The following EXPH5 variants were observed in gnomAD, a reference collection of about 807,000 sequenced individuals.
EXPH5 encodes exophilin 5.
A neutral mutation model predicts 41.1 loss-of-function variants in EXPH5; 42 were observed. That is an observed-to-expected ratio of 1.02 (90% CI 0.80 to 1.32). EXPH5 has a LOEUF of 1.32. EXPH5 is among the 40% of genes most tolerant of loss of function. The pLI, the probability that EXPH5 is intolerant of heterozygous loss-of-function variation, is 0.00. For missense variants in EXPH5, 2,298 were observed against 2,314.5 expected (o/e 0.99, Z 0.15); for synonymous variants, 798 against 833.5 (o/e 0.96, Z 0.73).
Position 108,512,958 on chromosome 11 carries a change from C to G in EXPH5, c.2549G>C (p.Ser850Thr). The change falls in exon 6 of 6, where the codon AGC becomes ACC. Residue 850 changes from serine (S) to threonine (T), a missense_variant. Ser to Thr is a moderately conservative substitution (Grantham distance 58, BLOSUM62 1). Coordinates refer to ENST00000265843, the MANE Select transcript of EXPH5 (RefSeq NM_015065.3). ...ISRIITNNHW[S>T]SALTDTQNAQ... ...ATTTTGAGTATCAGTCAGTGCAGAG[C>G]TCCAGTGGTTATTTGTAATAATTCT... is the stretch of plus-strand genomic sequence containing the variant. The G allele has an allele frequency of 6.2e-7, 1 of 1,612,458 alleles. No homozygotes were observed. Among genetic ancestry groups the G allele is most frequent in the Non-Finnish European group, 8.5e-7 (1 of 1,179,374 alleles).
Position 108,505,583 on chromosome 11 carries a change from G to A in EXPH5, c.*3954C>T, listed in dbSNP as rs1382640374. On this transcript the variant is annotated 3_prime_UTR_variant, in exon 6 of 6. Coordinates refer to ENST00000265843, the MANE Select transcript of EXPH5 (RefSeq NM_015065.3). ...TAACAAAAGTGCTTACAGCTTATTT[G>A]TTTCAGATATACAGAACTGCCAGTC... 2 of 152,130 alleles carry A rather than the reference G, an allele frequency of 1.3e-5. No homozygotes were observed. The highest frequency in any genetic ancestry group is 4.8e-5 in the African/African-American group (2 of 41,422). The allele number at this position is 152,130 out of a possible 1,614,324, so 9.4% of individuals were successfully genotyped here. A position where few individuals can be genotyped will look rare whatever the true frequency, so the allele number is the denominator to read the frequency against.
Position 108,517,494 on chromosome 11 carries a change from G to C in EXPH5, c.631+741C>G, listed in dbSNP as rs570288994. On this transcript the variant is annotated intron_variant, in intron 5 of 5. Coordinates refer to ENST00000265843, the MANE Select transcript of EXPH5 (RefSeq NM_015065.3). ...AATGAAGTTCCTCAAAGTGAAGCTG[G>C]TGGCGACTTCAGAGTTAACTTTTCA... Among the ~76,000 whole-genome samples, 215 of 152,342 alleles carry C rather than the reference G, an allele frequency of 1.4e-3. 1 individual carries two copies. The highest frequency in any genetic ancestry group is 5.1e-3 in the African/African-American group (210 of 41,580).
At chr11:108,522,488 A>G (rs1204766792) in intron 4 of EXPH5, among the ~76,000 whole-genome samples, 1 of 152,184 alleles carries the variant, frequency 6.6e-6, no homozygotes, top group Non-Finnish European at 1.5e-5. Context: ...GTTTGGTCAC[A>G]CTGGTGGAGG....
At chr11:108,582,810 G>C (rs529903357) in intron 1 of EXPH5, among the ~76,000 whole-genome samples, 36 of 152,270 alleles carry the variant, frequency 2.4e-4, no homozygotes, top group Admixed American at 3.9e-4. Flanking sequence ...TTGCCTTGTG[G>C]CAGCGTTACT....
chr11:108,552,188 T>C (rs1385442869), intron 1 of EXPH5: 1 of 151,810 alleles, frequency 6.6e-6, no homozygotes, highest in Non-Finnish European at 1.5e-5. Flanking sequence ...GTTCAGTGGC[T>C]GCACCAGTAG....
rs765785833 is a variant in EXPH5, at chr11:108,511,823, T to G, written c.3684A>C (p.Lys1228Asn). ...SGKERGKTLH[K>N]VKTTSTFSVS... Reference sequence around the variant, plus strand: ...CAGAAAACGTACTAGTCGTCTTAACTTTATGTAATGTTTTCCCACGTTCTT... The same window carrying G: ...CAGAAAACGTACTAGTCGTCTTAACGTTATGTAATGTTTTCCCACGTTCTT... The change falls in exon 6 of 6, where the codon AAA becomes AAC. Residue 1228 changes from lysine (K) to asparagine (N), a missense_variant. Physicochemically the swap from Lys to Asn is moderately conservative, Grantham distance 94. Transcript: ENST00000265843. The G allele has an allele frequency of 3.8e-6, 6 of 1,598,644 alleles. No individual in the cohort carries two copies. In the East Asian group the frequency reaches 1.3e-4, roughly 36 times the overall value.
In EXPH5 at chr11:108,539,014, T is replaced by A; in HGVS notation, c.443+10A>T. 1 of 1,569,422 alleles carries A rather than the reference T, an allele frequency of 6.4e-7. No individual in the cohort carries two copies. The highest frequency in any genetic ancestry group is 1.4e-5 in the African/African-American group (1 of 73,292). On this transcript the variant is annotated intron_variant, in intron 3 of 5. Transcript: ENST00000265843. ...CAAATGGGCCGTAACATGACCTGAG[T>A]TTAACTCACCCTTTCTGTCCCAGTG...
At chr11:108,557,693 C>T (rs547611885) in intron 1 of EXPH5, among the ~76,000 whole-genome samples, 6 of 152,194 alleles carry the variant, frequency 3.9e-5, no homozygotes, top group African/African-American at 1.4e-4. Flanking sequence ...TGAAATTATC[C>T]TCTTCACTTA....
At chr11:108,584,629 A>AT (rs1490706612) in intron 1 of EXPH5, among the ~76,000 whole-genome samples, 2 of 152,174 alleles carry the variant, frequency 1.3e-5, no homozygotes, top group African/African-American at 2.4e-5. Flanking sequence ...AATATAGCAA[A>AT]TTTTTTACAA....
At chr11:108,584,620 A>G (rs1337843255) in intron 1 of EXPH5, among the ~76,000 whole-genome samples, 3 of 152,236 alleles carry the variant, frequency 2.0e-5, no homozygotes, top group Non-Finnish European at 4.4e-5. Context: ...GACTCCAAAA[A>G]TATAGCAAAT....
At chr11:108,566,280 T>C (rs956216541) in intron 1 of EXPH5, among the ~76,000 whole-genome samples, 3 of 152,150 alleles carry the variant, frequency 2.0e-5, no homozygotes, top group Non-Finnish European at 4.4e-5. Flanking sequence ...GAATCCATTA[T>C]TGTTCATCAT....
intron 1 of EXPH5, among the ~76,000 whole-genome samples, chr11:108,558,119 T>G (rs1036584696): frequency 1.3e-5 from 2 of 152,054 alleles, no homozygotes; most frequent in Admixed American, 6.6e-5. Context: ...ATTTTTGTAT[T>G]TTTAATAGAG....
chr11:108,573,005 C>G (rs2094065874), intron 1 of EXPH5, among the ~76,000 whole-genome samples: 1 of 150,244 alleles, frequency 6.7e-6, no homozygotes, highest in Admixed American at 6.7e-5. Context: ...TGCTTGAGCC[C>G]AGGAGTTTGA....
chr11:108,549,713 A>G (rs577699970), intron 1 of EXPH5, among the ~76,000 whole-genome samples: 39 of 152,344 alleles, frequency 2.6e-4, no homozygotes, highest in African/African-American at 9.4e-4. Flanking sequence ...GGTAGGAGAC[A>G]GAGCCCAGGA....
rs146274272 is a variant in EXPH5, at chr11:108,510,854, C to T, written c.4653G>A (p.Glu1551=). The change falls in exon 6 of 6, where the codon GAG becomes GAA. Residue 1551 remains glutamate, a synonymous_variant. Coordinates refer to ENST00000265843, the MANE Select transcript of EXPH5 (RefSeq NM_015065.3). ...GCATTTCATCTTCAGCCTTCCTGCT[C>T]TCTGTCATATTTGCCTCCTGACTTC... ...PQRSQEANMT[E]SRKAEDEMQK... 7 of 1,614,056 alleles carry T rather than the reference C, an allele frequency of 4.3e-6. No homozygotes were observed. The highest frequency in any genetic ancestry group is 4.0e-5 in the African/African-American group (3 of 74,924).
At chr11:108,519,706 C>T (rs1048891124) in intron 4 of EXPH5, among the ~76,000 whole-genome samples, 2 of 151,616 alleles carry the variant, frequency 1.3e-5, no homozygotes, top group Admixed American at 6.6e-5. Flanking sequence ...TAAAATCATG[C>T]CACTGCACAC....
chr11:108,529,028 G>A (rs990172588), intron 3 of EXPH5, among the ~76,000 whole-genome samples: 8 of 151,792 alleles, frequency 5.3e-5, no homozygotes, highest in African/African-American at 1.9e-4. Context: ...AACCAGTAGA[G>A]CATGCTGACT....
intron 4 of EXPH5, among the ~76,000 whole-genome samples, chr11:108,519,144 C>G (rs1207951683): frequency 6.6e-6 from 1 of 152,144 alleles, no homozygotes; most frequent in African/African-American, 2.4e-5. Flanking sequence ...CTTTCTTGTG[C>G]GAGATCCAAG....
At chr11:108,548,741 A>C (rs1394876524) in intron 1 of EXPH5, among the ~76,000 whole-genome samples, 2 of 152,220 alleles carry the variant, frequency 1.3e-5, no homozygotes, top group African/African-American at 2.4e-5. Flanking sequence ...TATGAAGTAT[A>C]GTTTGTACAT....
Sources: allele counts gnomAD v4.1 joint callset (sites outside exome capture counted in the v4.1 genomes callset), GRCh38; gene constraint gnomAD v4.1.1; transcripts MANE v1.5; gene names NCBI Gene and HGNC (gene_info 2026-07-23, HGNC 2026-07-21).